Variants in EBNA1BP2 observed in about 807,000 individuals in gnomAD.
The protein encoded by EBNA1BP2 is probable rRNA-processing protein EBP2.
In EBNA1BP2, 36 loss-of-function variants were observed where a neutral mutation model predicts 43.5. The ratio of observed to expected loss-of-function variants is 0.83; its 90% CI spans 0.63 to 1.09. The LOEUF (loss-of-function observed/expected upper bound fraction) is 1.09, where lower values mean the gene tolerates loss of function less well. Among genes scored for constraint, EBNA1BP2 ranks in the 50% least tolerant of loss-of-function variants. EBNA1BP2 has a pLI of 0.00. For synonymous variants in EBNA1BP2, 127 were observed against 141.3 expected (o/e 0.90, Z 0.72); for missense variants, 332 against 379.1 (o/e 0.88, Z 1.03).
At chr1:43,165,917 G>A (rs143074605) in intron 7 of EBNA1BP2, among the ~76,000 whole-genome samples, 291 of 152,172 alleles carry the variant, frequency 1.9e-3, no homozygotes, top group African/African-American at 6.5e-3. Flanking sequence ...CAAGTCGAAC[G>A]CTCCTCCAGA....
chr1:43,169,577 T>C (rs78988669), intron 4 of EBNA1BP2, among the ~76,000 whole-genome samples: 4,971 of 152,258 alleles, frequency 0.033, 117 homozygotes, highest in Admixed American at 0.042. Context: ...TACTTATCCC[T>C]CAGTATCCAT....
intron 5 of EBNA1BP2, 107 bp downstream of exon 5, chr1:43,168,832 T>C (rs1644934869): frequency 1.8e-6 from 2 of 1,113,042 alleles, no homozygotes; most frequent in South Asian, 1.3e-5. Context: ...GGTAAATACA[T>C]GATCAACACA....
In EBNA1BP2 at chr1:43,166,896, G is replaced by A. The variant is rs560205022; in HGVS notation, c.637C>T (p.Leu213Phe). 1.2e-6 allele frequency: 2 copies of A among 1,612,920 alleles called. No homozygotes were observed. The highest frequency in any genetic ancestry group is 1.3e-5 in the African/African-American group (1 of 74,920). The change falls in exon 7 of 9, where the codon CTT becomes TTT. Residue 213 changes from leucine to phenylalanine, a missense_variant. Around this residue, in one of 3 missense-constraint regions of EBNA1BP2, gnomAD observed 91 missense variants for 152.1 expected, o/e 0.60. Coordinates refer to ENST00000236051, the MANE Select transcript of EBNA1BP2 (RefSeq NM_006824.3). ...GCCAGAGGTTTCTGATCTCCCTCAA[G>A]GAAATCCAGTTTATCAGAGAAGCCT... ...QKGFSDKLDF[L>F]EGDQKPLAQR...
At chr1:43,165,778 T>C (rs1310849170) in intron 7 of EBNA1BP2, among the ~76,000 whole-genome samples, 1 of 152,128 alleles carries the variant, frequency 6.6e-6, no homozygotes, top group Non-Finnish European at 1.5e-5. Flanking sequence ...ACCAAGGGCT[T>C]ACTGTTCCTC....
Position 43,164,768 on chromosome 1 carries a change from C to G in EBNA1BP2, c.745G>C (p.Gly249Arg), listed in dbSNP as rs777466628. The G allele has an allele frequency of 1.2e-6, 2 of 1,614,238 alleles. No homozygotes were observed. The highest frequency in any genetic ancestry group is 1.7e-6 in the Non-Finnish European group (2 of 1,180,044). Reference protein sequence around the residue: ...AKRRYKNQKFGFGGKKKGSKW... With the variant: ...AKRRYKNQKFRFGGKKKGSKW... ...GAGCCTTTCTTCTTTCCACCAAAAC[C>G]AAACTTCTGGTTTTTATACCGTCGT... The change falls in exon 8 of 9, where the codon GGT becomes CGT. Residue 249 changes from glycine (G) to arginine (R), a missense_variant. Coordinates refer to ENST00000236051, the MANE Select transcript of EBNA1BP2 (RefSeq NM_006824.3).
At chr1:43,167,619 G>A (rs1007376264) in intron 5 of EBNA1BP2, among the ~76,000 whole-genome samples, 4 of 151,978 alleles carry the variant, frequency 2.6e-5, no homozygotes, top group Admixed American at 6.5e-5. Flanking sequence ...AGACTACATC[G>A]ATTTTTCGCA....
rs1644908248 is a variant in EBNA1BP2 at position 43,164,862 on chromosome 1, T to C, written c.708-57A>G. ...GCACTGTAAAGCCTGATGAACCTGA[T>C]GGCCCAGCAATGCTCTCAGTTTCCT... On this transcript the variant is annotated intron_variant, in intron 7 of 8. Coordinates refer to ENST00000236051, the MANE Select transcript of EBNA1BP2 (RefSeq NM_006824.3). 2.5e-6 allele frequency: 4 copies of C among 1,593,354 alleles called. No individual in the cohort carries two copies. The South Asian group carries it at 3.4e-5, about 14-fold the overall frequency.
chr1:43,171,532 G>A lies in EBNA1BP2; in HGVS notation c.270C>T (p.Asn90=). 1 of 1,614,096 alleles carries A rather than the reference G, an allele frequency of 6.2e-7. No homozygotes were observed. The highest frequency in any genetic ancestry group is 8.5e-7 in the Non-Finnish European group (1 of 1,180,018). ...IGGSEAPAPQ[N]KDQKAVDPED... The stretch of plus-strand genomic sequence containing the variant: ...CTGGATCAACAGCTTTCTGGTCCTT[G>A]TTCTGAGGTGCTGGCGCCTCAGATC... The change falls in exon 3 of 9, where the codon AAC becomes AAT. Residue 90 remains asparagine (N), a synonymous_variant. Transcript: ENST00000236051.
intron 7 of EBNA1BP2, 61 bp downstream of exon 7, chr1:43,166,765 G>A (rs1644920968): frequency 5.9e-6 from 9 of 1,520,288 alleles, no homozygotes; most frequent in South Asian, 3.6e-5. Flanking sequence ...TGCCATACTC[G>A]TGACCTGTGG....
In EBNA1BP2 at chr1:43,169,004, G is replaced by GT; in HGVS notation, c.471dup (p.Gln158ThrfsTer8). The GT allele has an allele frequency of 6.2e-7, 1 of 1,614,064 alleles. No individual in the cohort carries two copies. The highest frequency in any genetic ancestry group is 1.3e-5 in the African/African-American group (1 of 75,044). ...TTTTCAGACCTCTCCATGGCAGCCT[G>GT]TTTAGTCTGCAGCTTCTGTCGAATC... On this transcript the variant is annotated frameshift_variant, in exon 5 of 9. Transcript: ENST00000236051. LOFTEE classifies it high-confidence loss of function.
chr1:43,171,078 A>G, intron 3 of EBNA1BP2, 199 bp from the exon 4 acceptor site: 1 of 704,290 alleles, frequency 1.4e-6, no homozygotes, highest in East Asian at 4.0e-5. Flanking sequence ...TAAAAAGGGG[A>G]GGGGTGTTGC....
intron 5 of EBNA1BP2, among the ~76,000 whole-genome samples, chr1:43,168,637 T>C (rs1644933590): frequency 6.6e-6 from 1 of 152,012 alleles, no homozygotes; most frequent in African/African-American, 2.4e-5. Context: ...TTTTGAAAAA[T>C]TTCCCCTGGT....
chr1:43,165,743 T>C (rs1298097447), intron 7 of EBNA1BP2, among the ~76,000 whole-genome samples: 2 of 152,104 alleles, frequency 1.3e-5, no homozygotes, highest in African/African-American at 4.8e-5. Flanking sequence ...CACCCCTCCT[T>C]GCTTTGCACT....
At chr1:43,170,163 T>C (rs1479983480) in intron 4 of EBNA1BP2, among the ~76,000 whole-genome samples, 3 of 152,202 alleles carry the variant, frequency 2.0e-5, no homozygotes, top group African/African-American at 4.8e-5. Flanking sequence ...AGTTTTCCTT[T>C]TGCAATATTT....
At chr1:43,165,155 A>G (rs778133327) in intron 7 of EBNA1BP2, among the ~76,000 whole-genome samples, 18 of 152,234 alleles carry the variant, frequency 1.2e-4, no homozygotes, top group Non-Finnish European at 2.2e-4. Flanking sequence ...AAATACATGC[A>G]GTTAACATCC....
chr1:43,166,751 T>C (rs1475282478), intron 7 of EBNA1BP2, 75 bp downstream of exon 7: 2 of 1,444,524 alleles, frequency 1.4e-6, no homozygotes. Flanking sequence ...GGAGGTGCTA[T>C]GTCTGCCATA....
intron 5 of EBNA1BP2, among the ~76,000 whole-genome samples, chr1:43,168,611 G>C (rs975038360): frequency 6.6e-6 from 1 of 152,174 alleles, no homozygotes; most frequent in African/African-American, 2.4e-5. Flanking sequence ...TGGGGATTCT[G>C]AAGTCTAGAA....
At chr1:43,171,861 C>G (rs1244388139) in intron 2 of EBNA1BP2, 25 bp downstream of exon 2, 1 of 1,612,218 alleles carries the variant, frequency 6.2e-7, no homozygotes, top group Non-Finnish European at 8.5e-7. Context: ...TGTCCGAGTA[C>G]CCCCGACCCT....
At chr1:43,170,648 T>C in intron 4 of EBNA1BP2, 108 bp downstream of exon 4, 2 of 1,485,298 alleles carry the variant, frequency 1.3e-6, no homozygotes, top group Non-Finnish European at 1.8e-6. Context: ...ATAATTGTCC[T>C]CTGACAACTG....
Sources: allele counts gnomAD v4.1 joint callset (sites outside exome capture counted in the v4.1 genomes callset), GRCh38; gene constraint gnomAD v4.1.1; regional missense constraint gnomAD v4.1.1; transcripts MANE v1.5; gene names NCBI Gene and HGNC (gene_info 2026-07-23, HGNC 2026-07-21).